Variants in SDCCAG8 observed in about 807,000 individuals in gnomAD.
SDCCAG8 encodes the protein serologically defined colon cancer antigen 8.
SDCCAG8 carries 74 observed loss-of-function variants against 101.8 expected under a neutral mutation model. That is an observed-to-expected ratio of 0.73 (90% confidence interval 0.60 to 0.88). The LOEUF is 0.88. SDCCAG8 is among the 40% of genes least tolerant of loss of function. The pLI is 0.00. For synonymous variants in SDCCAG8, 281 were observed against 292.9 expected (o/e 0.96, Z 0.41); for missense variants, 787 against 822.6 (o/e 0.96, Z 0.53).
chr1:243,319,833 T>C (rs567820478), intron 9 of SDCCAG8, among the ~76,000 whole-genome samples: 5 of 152,310 alleles, frequency 3.3e-5, no homozygotes, highest in African/African-American at 1.2e-4. Flanking sequence ...ACATCCTGCA[T>C]GAACTGAAAT....
At chr1:243,432,702 G>A (rs560540103) in intron 16 of SDCCAG8, among the ~76,000 whole-genome samples, 2 of 152,268 alleles carry the variant, frequency 1.3e-5, no homozygotes, top group African/African-American at 4.8e-5. Flanking sequence ...ATCTTTTGGT[G>A]TGAAGACGTT....
chr1:243,268,123 C>T (rs2067782977), intron 1 of SDCCAG8: 1 of 674,564 alleles, frequency 1.5e-6, no homozygotes, highest in Non-Finnish European at 2.7e-6. Context: ...TCCTCATGGT[C>T]ACACCACACT....
chr1:243,326,233 AATT>A (rs2074140657), intron 9 of SDCCAG8, among the ~76,000 whole-genome samples: 1 of 152,254 alleles, frequency 6.6e-6, no homozygotes, highest in Non-Finnish European at 1.5e-5. Flanking sequence ...TAAAAAAGTT[AATT>A]ATTATGTATA....
At chr1:243,497,809 G>A (rs940189144) in intron 17 of SDCCAG8, among the ~76,000 whole-genome samples, 1 of 152,066 alleles carries the variant, frequency 6.6e-6, no homozygotes, top group African/African-American at 2.4e-5. Flanking sequence ...CTTTTGAGTC[G>A]CTGGGACTAC....
At chr1:243,304,924 TAAAGGATG>T (rs1222572526) in intron 7 of SDCCAG8, 147 bp downstream of exon 7, 1 of 632,142 alleles carries the variant, frequency 1.6e-6, no homozygotes, top group Admixed American at 2.9e-5. Flanking sequence ...CTCAGATTAT[TAAAGGATG>T]AAAGGCCTAA....
intron 1 of SDCCAG8, among the ~76,000 whole-genome samples, chr1:243,268,276 TC>T (rs2067795227): frequency 6.6e-6 from 1 of 152,242 alleles, no homozygotes; most frequent in South Asian, 2.1e-4. Flanking sequence ...AATCTAAAGC[TC>T]CATGAACTGA....
intron 5 of SDCCAG8, among the ~76,000 whole-genome samples, chr1:243,290,311 A>G (rs2070115344): frequency 1.3e-5 from 2 of 152,044 alleles, no homozygotes; most frequent in South Asian, 4.1e-4. Context: ...GTAGCATTCA[A>G]GTTTTTTAAA....
chr1:243,348,261 A>G (rs1374283284), intron 12 of SDCCAG8, among the ~76,000 whole-genome samples: 3 of 143,688 alleles, frequency 2.1e-5, no homozygotes, highest in Non-Finnish European at 4.5e-5. Flanking sequence ...CGTGTTAGCC[A>G]GGATGGTCTC....
At chr1:243,470,873 ATCT>A (rs1291899656) in intron 16 of SDCCAG8, among the ~76,000 whole-genome samples, 3 of 152,146 alleles carry the variant, frequency 2.0e-5, no homozygotes, top group South Asian at 4.1e-4. Context: ...TGTTTTTCTC[ATCT>A]TCTTCTATAG....
At chr1:243,428,693 A>G (rs765421940) in intron 16 of SDCCAG8, among the ~76,000 whole-genome samples, 1 of 152,270 alleles carries the variant, frequency 6.6e-6, no homozygotes, top group Non-Finnish European at 1.5e-5. Context: ...GTTAAAATTT[A>G]TCCAAACTTA....
At chr1:243,343,350 TC>T in intron 11 of SDCCAG8, among the ~76,000 whole-genome samples, 1 of 152,308 alleles carries the variant, frequency 6.6e-6, no homozygotes, top group East Asian at 1.9e-4. Context: ...GGTTCTCAGT[TC>T]TCTCAAAAGG....
intron 16 of SDCCAG8, among the ~76,000 whole-genome samples, chr1:243,483,488 C>G (rs539082703): frequency 6.6e-6 from 1 of 152,304 alleles, no homozygotes; most frequent in Admixed American, 6.5e-5. Context: ...GGAAGTCCGC[C>G]GTCCTCTGCC....
At chr1:243,336,578 C>T (rs968081399) in intron 10 of SDCCAG8, among the ~76,000 whole-genome samples, 7 of 152,014 alleles carry the variant, frequency 4.6e-5, no homozygotes, top group African/African-American at 1.2e-4. Context: ...CAGGGGGAAG[C>T]GCTACACACT....
intron 16 of SDCCAG8, among the ~76,000 whole-genome samples, chr1:243,484,939 G>T (rs1355500321): frequency 1.3e-5 from 2 of 152,048 alleles, no homozygotes; most frequent in Admixed American, 6.5e-5. Context: ...AGCTACCTGG[G>T]AGGCTGAGGC....
At chr1:243,400,457 T>C (rs1463867113) in intron 13 of SDCCAG8, among the ~76,000 whole-genome samples, 2 of 152,174 alleles carry the variant, frequency 1.3e-5, no homozygotes, top group African/African-American at 4.8e-5. Context: ...TTCACTTTCA[T>C]TAGAACACAC....
intron 3 of SDCCAG8, among the ~76,000 whole-genome samples, chr1:243,274,312 C>T (rs938662769): frequency 5.3e-5 from 8 of 152,318 alleles, no homozygotes; most frequent in African/African-American, 1.9e-4. Flanking sequence ...CCACCAGGCC[C>T]CACCTCCAAT....
At chr1:243,311,133 C>G (rs2149323667) in intron 8 of SDCCAG8, among the ~76,000 whole-genome samples, 1 of 152,276 alleles carries the variant, frequency 6.6e-6, no homozygotes, top group Admixed American at 6.5e-5. Flanking sequence ...ATGCTTTTTG[C>G]AGCATTGTTT....
At chr1:243,444,378 G>GC (rs2082755390) in intron 16 of SDCCAG8, among the ~76,000 whole-genome samples, 1 of 143,702 alleles carries the variant, frequency 7.0e-6, no homozygotes, top group South Asian at 2.2e-4. Context: ...TGTTTGTTTT[G>GC]TTTTTTTTTT....
chr1:243,485,772 C>T (rs1246088671), intron 16 of SDCCAG8, among the ~76,000 whole-genome samples: 1 of 151,804 alleles, frequency 6.6e-6, no homozygotes, highest in Non-Finnish European at 1.5e-5. Context: ...GGCACGGTGG[C>T]AGGAGCCTAT....
Sources: gnomAD v4.1 joint callset for allele counts (sites outside exome capture counted in the v4.1 genomes callset) on GRCh38, gnomAD v4.1.1 for gene constraint, MANE v1.5 for transcripts, NCBI Gene and HGNC (gene_info 2026-07-23, HGNC 2026-07-21) for gene names.